Variants in WASHC5 observed in about 807,000 individuals in gnomAD.
WASHC5 encodes WASH complex subunit 5.
Under a neutral mutation model 150.4 loss-of-function variants are expected in WASHC5, and 101 were observed. That is an observed-to-expected ratio of 0.67 (90% CI 0.57 to 0.79). The LOEUF (loss-of-function observed/expected upper bound fraction) is 0.79. WASHC5 is among the 30% of genes least tolerant of loss of function. The probability of loss-of-function intolerance (pLI) is 0.00; values close to 1 mark genes in which losing one functional copy is unlikely to be tolerated. For synonymous variants in WASHC5, 467 were observed against 491.2 expected, an observed-to-expected ratio of 0.95 and a Z score of 0.65; for missense variants, 1,195 against 1,396.3, an observed-to-expected ratio of 0.86 and a Z score of 2.30.
chr8:125,048,912 A>T, intron 19 of WASHC5, 94 bp downstream of exon 19: 11 of 1,050,890 alleles, frequency 1.0e-5, no homozygotes, highest in Non-Finnish European at 1.5e-5. Context: ...ACTATCTAGT[A>T]AACTTTCTTG....
Position 125,056,683 on chromosome 8 carries a change from T to C in WASHC5, c.2010A>G (p.Arg670=). ...AGTCAGAGGGACACAGCACCTCGTA[T>C]CGTGGGCCTAGCTGAGCATAGTCCC... is the stretch of plus-strand genomic sequence containing the variant. ...KLRDYAQLGP[R]YEVAKLTHAI... The change falls in exon 16 of 29, where the codon CGA becomes CGG. Residue 670 remains arginine (R), a synonymous_variant. Transcript: ENST00000318410. 1.2e-6 allele frequency: 2 copies of C among 1,614,110 alleles called. No individual in the cohort carries two copies. Among genetic ancestry groups the C allele is most frequent in the Non-Finnish European group, 1.7e-6 (2 of 1,179,980 alleles).
intron 11 of WASHC5, 93 bp downstream of exon 11, chr8:125,063,429 A>T: frequency 7.7e-7 from 1 of 1,290,506 alleles, no homozygotes; most frequent in Non-Finnish European, 1.1e-6. Context: ...CAATAATGAG[A>T]ACATAAAGTC....
chr8:125,030,254 C>T (rs1201635796), intron 27 of WASHC5, among the ~76,000 whole-genome samples: 3 of 152,238 alleles, frequency 2.0e-5, no homozygotes, highest in African/African-American at 2.4e-5. Flanking sequence ...TTCCCCTCCT[C>T]TCTGGGAGCC....
chr8:125,086,517 T>C (rs1457724911), intron 1 of WASHC5, among the ~76,000 whole-genome samples: 1 of 152,176 alleles, frequency 6.6e-6, no homozygotes, highest in Non-Finnish European at 1.5e-5. Flanking sequence ...CCTATCCTAG[T>C]GGCTTCATTT....
intron 19 of WASHC5, among the ~76,000 whole-genome samples, chr8:125,047,952 TC>T (rs1816122703): frequency 6.6e-6 from 1 of 152,172 alleles, no homozygotes; most frequent in South Asian, 2.1e-4. Flanking sequence ...GCTCAAGCAA[TC>T]CTCCCACCTG....
rs764257486 is a variant in WASHC5 at position 125,083,852 on chromosome 8, A to T, written c.47T>A (p.Leu16Gln). 1.2e-6 allele frequency: 2 copies of T among 1,614,036 alleles called. No individual in the cohort carries two copies. Among genetic ancestry groups the T allele is most frequent in the Admixed American group, 3.3e-5 (2 of 59,992 alleles). The change falls in exon 2 of 29, where the codon CTA becomes CAA. Residue 16 changes from leucine (L) to glutamine (Q), a missense_variant. Physicochemically the swap from Leu to Gln is moderately radical, Grantham distance 113 (BLOSUM62 -2). Around this residue, in one of 3 missense-constraint regions of WASHC5, gnomAD observed 195 missense variants for 206.9 expected, o/e 0.94. Coordinates refer to ENST00000318410, the MANE Select transcript of WASHC5 (RefSeq NM_014846.4). ...GGCATTACCACAGGAAACAATCCTT[A>T]GGATTGCTTGGCCACAGAGGTTGTT... Reference protein sequence around the residue: ...AENNLCGQAILRIVSCGNAII... With the variant: ...AENNLCGQAIQRIVSCGNAII...
intron 14 of WASHC5, among the ~76,000 whole-genome samples, chr8:125,058,105 G>A (rs548185304): frequency 2.6e-5 from 4 of 151,422 alleles, no homozygotes; most frequent in East Asian, 3.9e-4. Context: ...AGATTCTACC[G>A]AATCTGTCCA....
intron 3 of WASHC5, chr8:125,082,769 C>G: frequency 2.6e-6 from 1 of 380,866 alleles, no homozygotes; most frequent in Non-Finnish European, 4.7e-6. Context: ...GTAATGAATT[C>G]TTAAGAAGTG....
At chr8:125,072,678 C>T (rs1328961828) in intron 9 of WASHC5, among the ~76,000 whole-genome samples, 1 of 152,068 alleles carries the variant, frequency 6.6e-6, no homozygotes, top group East Asian at 1.9e-4. Context: ...ACAGCAAGGA[C>T]CCTTATGATT....
In WASHC5 at chr8:125,059,208, TG is replaced by T. The variant is rs1816507619; in HGVS notation, c.1764+13del. 1 of 1,592,752 alleles carries T rather than the reference TG, an allele frequency of 6.3e-7. No homozygotes were observed. Among genetic ancestry groups the T allele is most frequent in the South Asian group, 1.1e-5 (1 of 90,572 alleles). ...CTTTCCTAGCAACAGAGAATCTCAC[TG>T]TTTTTTGCTTACCTTTAGGAAGGTA... On this transcript the variant is annotated intron_variant, in intron 14 of 28. Transcript: ENST00000318410.
At position 125,061,303 on chromosome 8, in the gene WASHC5, G is replaced by A. The variant is rs16900304; in HGVS notation, c.1409-109C>T. 5,850 of 687,624 alleles carry A rather than the reference G, an allele frequency of 8.5e-3. 243 individuals carry two copies. In the African/African-American group the frequency reaches 0.091, roughly 11 times the overall value. The allele number at this position is 687,624 out of a possible 1,614,324, so 42.6% of individuals were successfully genotyped here. On this transcript the variant is annotated intron_variant, in intron 11 of 28. Transcript: ENST00000318410. The stretch of plus-strand genomic sequence containing the variant: ...AATTCAGTTCTTCAGAGCTTTAACC[G>A]TGGGCCTAACACTAGGAATTTTCCA...
intron 8 of WASHC5, among the ~76,000 whole-genome samples, chr8:125,074,513 G>C (rs994383436): frequency 3.3e-5 from 5 of 152,152 alleles, no homozygotes; most frequent in Non-Finnish European, 7.4e-5. Context: ...GAACAAAAGA[G>C]ATAGAATATA....
chr8:125,080,280 T>C (rs1267274241), intron 5 of WASHC5, among the ~76,000 whole-genome samples: 1 of 152,238 alleles, frequency 6.6e-6, no homozygotes, highest in Non-Finnish European at 1.5e-5. Flanking sequence ...TATTTTTTTC[T>C]TCTTCTTTAC....
chr8:125,032,739 C>T (rs951076809), intron 26 of WASHC5: 10 of 328,550 alleles, frequency 3.0e-5, no homozygotes, highest in Admixed American at 8.8e-5. Flanking sequence ...CTTCTGTTAA[C>T]GGCAGCATGA....
At chr8:125,058,622 C>T (rs1382836820) in intron 14 of WASHC5, among the ~76,000 whole-genome samples, 1 of 152,094 alleles carries the variant, frequency 6.6e-6, no homozygotes, top group Non-Finnish European at 1.5e-5. Context: ...GTGGTGAACA[C>T]CTGTAATTTC....
At chr8:125,045,547 G>A (rs572433168) in intron 20 of WASHC5, among the ~76,000 whole-genome samples, 184 of 152,254 alleles carry the variant, frequency 1.2e-3, no homozygotes, top group Non-Finnish European at 2.0e-3. Context: ...ATAGTTCTGG[G>A]GGAGAGCTCT....
chr8:125,047,059 G>C lies in WASHC5; in HGVS notation c.2504+148C>G, dbSNP rs1816089179. On this transcript the variant is annotated intron_variant, in intron 20 of 28. Coordinates refer to ENST00000318410, the MANE Select transcript of WASHC5 (RefSeq NM_014846.4). Reference sequence around the variant, plus strand: ...GACCGGTATCAGTCTGCAGCGCAGGGGTTAGGGACCCTTGCCCTAAAGGGT... The same window carrying C: ...GACCGGTATCAGTCTGCAGCGCAGGCGTTAGGGACCCTTGCCCTAAAGGGT... 8.7e-6 allele frequency: 8 copies of C among 922,776 alleles called. No homozygotes were observed. The East Asian group carries it at 2.0e-4, about 23-fold the overall frequency. The allele number at this position is 922,776 out of a possible 1,614,324, so 57.2% of individuals were successfully genotyped here.
chr8:125,030,150 C>A (rs1178375892), intron 27 of WASHC5, among the ~76,000 whole-genome samples: 1 of 152,180 alleles, frequency 6.6e-6, no homozygotes, highest in Non-Finnish European at 1.5e-5. Context: ...GAAGAAGAAC[C>A]TGTCCAAGTT....
rs151074647 is a variant in WASHC5, at chr8:125,051,663, G to A, written c.2098-998C>T. 1.6e-4 allele frequency among the ~76,000 whole-genome samples: 24 copies of A among 152,300 alleles called. No homozygotes were observed. In the East Asian group the frequency reaches 3.1e-3, roughly 20 times the overall value. On this transcript the variant is annotated intron_variant, in intron 17 of 28. Coordinates refer to ENST00000318410, the MANE Select transcript of WASHC5 (RefSeq NM_014846.4). ...AGCTCTTTGGAAAGCTGAGGCAGGC[G>A]GATCACCCAAGGTCAGGAGTTCCAG...
Sources: gnomAD v4.1 joint callset for allele counts (sites outside exome capture counted in the v4.1 genomes callset) on GRCh38, gnomAD v4.1.1 for gene constraint, gnomAD v4.1.1 regional missense constraint, MANE v1.5 for transcripts, NCBI Gene and HGNC (gene_info 2026-07-23, HGNC 2026-07-21) for gene names.